Variants in PIGN observed in about 807,000 individuals in gnomAD.
The protein encoded by PIGN is GPI ethanolamine phosphate transferase 1.
Under a neutral mutation model 125.4 loss-of-function variants are expected in PIGN, and 117 were observed. That is an observed-to-expected ratio of 0.93 (90% confidence interval 0.80 to 1.09). The LOEUF (loss-of-function observed/expected upper bound fraction) is 1.09, where lower values mean the gene tolerates loss of function less well. Ranked by LOEUF, PIGN falls within the 50% of genes least tolerant of loss-of-function variation. PIGN has a pLI of 0.00. For missense variants in PIGN, 1,075 were observed against 1,094.9 expected (o/e 0.98, Z 0.26); for synonymous variants, 392 against 377.8 (o/e 1.04, Z -0.44).
intron 29 of PIGN, among the ~76,000 whole-genome samples, chr18:62,073,766 T>C (rs1373641655): frequency 3.3e-5 from 5 of 152,174 alleles, no homozygotes; most frequent in African/African-American, 9.7e-5. Context: ...ACTTCTGGCA[T>C]GGGATGTTAT....
At chr18:62,173,335 A>G (rs1227175082) in intron 1 of PIGN, among the ~76,000 whole-genome samples, 1 of 152,080 alleles carries the variant, frequency 6.6e-6, no homozygotes, top group Non-Finnish European at 1.5e-5. Flanking sequence ...GCCTCAGACA[A>G]TCCTCCCACC....
intron 24 of PIGN, 121 bp from the exon 25 acceptor site, chr18:62,088,963 A>G (rs1568162219): frequency 1.7e-6 from 1 of 584,238 alleles, no homozygotes; most frequent in African/African-American, 1.9e-5. Flanking sequence ...TGACAAAAAA[A>G]TAAACAATAA....
chr18:62,045,825 G>C lies in PIGN; in HGVS notation c.*31C>G. 6.2e-7 allele frequency: 1 copy of C among 1,610,506 alleles called. No homozygotes were observed. The highest frequency in any genetic ancestry group is 8.5e-7 in the Non-Finnish European group (1 of 1,177,500). ...GATTTTAGCTTAAAAGGAGAATCAGGATCCAGATGCTGAATGGTGCTTCAG... is the reference window on the plus strand; with the variant it reads ...GATTTTAGCTTAAAAGGAGAATCAGCATCCAGATGCTGAATGGTGCTTCAG... On this transcript the variant is annotated 3_prime_UTR_variant, in exon 31 of 31. Coordinates refer to ENST00000640252, the MANE Select transcript of PIGN (RefSeq NM_176787.5).
At position 62,145,834 on chromosome 18, in the gene PIGN, T is replaced by C. The variant is rs75981034; in HGVS notation, c.922+75A>G. ...GGATTTACAACTAAAATTTGAAGAG[T>C]GATTTCTTAAAAATTTAAACTTTGT... is the stretch of plus-strand genomic sequence containing the variant. On this transcript the variant is annotated intron_variant, in intron 10 of 30. Transcript: ENST00000640252. The C allele has an allele frequency of 0.029, 21,457 of 734,620 alleles. 397 individuals are homozygous for C. Among genetic ancestry groups the C allele is most frequent in the Middle Eastern group, 0.077 (253 of 3,288 alleles). 45.5% of individuals were successfully genotyped at this position (734,620 alleles called of 1,614,324 possible).
chr18:62,037,110 T>C (rs1462028183), downstream of PIGN, among the ~76,000 whole-genome samples: 2 of 152,204 alleles, frequency 1.3e-5, no homozygotes, highest in African/African-American at 2.4e-5. Flanking sequence ...ATCTATGTAA[T>C]TCCACTCATG....
intron 14 of PIGN, chr18:62,137,806 CTAAT>C (rs1009458444): frequency 6.4e-6 from 1 of 155,058 alleles, no homozygotes; most frequent in African/African-American, 2.4e-5. Context: ...GCCCCTCTTT[CTAAT>C]TAATTAACTG....
In PIGN at chr18:62,111,946, T is replaced by A. The variant is rs144852657; in HGVS notation, c.1434+1188A>T. Among the ~76,000 whole-genome samples, 16 of 152,268 alleles carry A rather than the reference T, an allele frequency of 1.1e-4. No homozygotes were observed. In the East Asian group the frequency reaches 3.1e-3, roughly 29 times the overall value. On this transcript the variant is annotated intron_variant, in intron 16 of 30. Coordinates refer to ENST00000640252, the MANE Select transcript of PIGN (RefSeq NM_176787.5). ...GTTAACATATCAATATAAAAACATA[T>A]TTTTTTCTCAATAAACTGAATATTA...
chr18:62,177,843 T>C (rs1172345305), intron 1 of PIGN, among the ~76,000 whole-genome samples: 1 of 152,152 alleles, frequency 6.6e-6, no homozygotes, highest in Non-Finnish European at 1.5e-5. Flanking sequence ...CAAAAACAAA[T>C]AGTACTCTCC....
chr18:62,088,095 C>G (rs1378773663), intron 25 of PIGN, among the ~76,000 whole-genome samples: 1 of 152,116 alleles, frequency 6.6e-6, no homozygotes, highest in Non-Finnish European at 1.5e-5. Flanking sequence ...TTGTGGTGAT[C>G]ATTTTACAAT....
In PIGN at chr18:62,082,735, G is replaced by A. The variant is rs762791960; in HGVS notation, c.2514C>T (p.Pro838=). The A allele has an allele frequency of 1.3e-6, 2 of 1,538,304 alleles. No individual in the cohort carries two copies. Among genetic ancestry groups the A allele is most frequent in the Non-Finnish European group, 1.8e-6 (2 of 1,131,598 alleles). ...GALMMWKILI[P]FVLVMCAFEA... is the part of the protein sequence containing the mutation. Reference sequence around the variant, plus strand: ...CAAAAGCACACATAACAAGAACAAAGGGGATTAAAATCTGTAAAAGAACAA... The same window carrying A: ...CAAAAGCACACATAACAAGAACAAAAGGGATTAAAATCTGTAAAAGAACAA... The change falls in exon 28 of 31, where the codon CCC becomes CCT. Residue 838 remains proline, a synonymous_variant. Transcript: ENST00000640252.
chr18:62,178,502 G>C (rs1239184519), intron 1 of PIGN, among the ~76,000 whole-genome samples: 1 of 151,588 alleles, frequency 6.6e-6, no homozygotes, highest in Non-Finnish European at 1.5e-5. Flanking sequence ...AAAACTGTAA[G>C]ACAGAGCTGG....
rs373545200 is a variant in PIGN, at chr18:62,088,758, G to C, written c.2368C>G (p.Leu790Val). ...ACCAAAGTCTCCACAAAGGATACAA[G>C]GAAAAAGGCCCTACGGATGTCATCC... ...YLDDIRRAFFLVFFLVTAFFG... is the reference protein window; with the variant it reads ...YLDDIRRAFFVVFFLVTAFFG... Residue 790 changes from leucine (L) to valine (V), a missense_variant and splice_region_variant, in exon 25 of 31, where the codon CTT (leucine) becomes GTT (valine). By Grantham distance (32) the Leu-to-Val change is conservative (BLOSUM62 1). Around this residue, in one of 3 missense-constraint regions of PIGN, gnomAD observed 915 missense variants for 908.7 expected, o/e 1.01. Transcript: ENST00000640252. The C allele has an allele frequency of 8.4e-6, 13 of 1,542,966 alleles. No homozygotes were observed. Among genetic ancestry groups the C allele is most frequent in the Non-Finnish European group, 1.1e-5 (13 of 1,134,524 alleles).
downstream of PIGN, among the ~76,000 whole-genome samples, chr18:62,036,617 A>G (rs2030264238): frequency 6.6e-6 from 1 of 152,244 alleles, no homozygotes; most frequent in South Asian, 2.1e-4. Context: ...ACTAGGGGCT[A>G]CAAAGCTGTC....
rs185595651 is a variant in PIGN, at chr18:62,173,829, T to A, written c.-235-10173A>T. Among the ~76,000 whole-genome samples, 9 of 152,254 alleles carry A rather than the reference T, an allele frequency of 5.9e-5. No homozygotes were observed. In the East Asian group the frequency reaches 1.7e-3, roughly 29 times the overall value. The stretch of plus-strand genomic sequence containing the variant: ...CTGCCAATTCAACCACCTAATTAAT[T>A]CTCTCCCTTCATCCTTTCCAATTGG... On this transcript the variant is annotated intron_variant, in intron 1 of 30. Transcript: ENST00000640252.
rs2030431304 is a variant in PIGN at position 62,042,860 on chromosome 18, G to C, written c.*2996C>G. 6.6e-6 allele frequency: 1 copy of C among 151,568 alleles called. No homozygotes were observed. Among genetic ancestry groups the C allele is most frequent in the Admixed American group, 6.6e-5 (1 of 15,252 alleles). 9.4% of individuals were successfully genotyped at this position (151,568 alleles called of 1,614,324 possible). On this transcript the variant is annotated 3_prime_UTR_variant, in exon 31 of 31. Transcript: ENST00000640252. ...GCCCAGGAGGCAGAGGTTGCAGTGA[G>C]CTGAGATGGTGCCACTGCATTCTAG...
At chr18:62,038,114 T>A (rs1370462659), downstream of PIGN, among the ~76,000 whole-genome samples, 2 of 152,186 alleles carry the variant, frequency 1.3e-5, no homozygotes, top group Non-Finnish European at 2.9e-5. Context: ...TTTTGTAGTA[T>A]TAGGCATGAA....
chr18:62,146,197 T>A (rs796931076), intron 9 of PIGN, among the ~76,000 whole-genome samples, 172 bp from the exon 10 acceptor site: 37 of 152,274 alleles, frequency 2.4e-4, no homozygotes, highest in African/African-American at 8.4e-4. Flanking sequence ...AATATTCCTA[T>A]AAAGCAAGTT....
At chr18:62,040,184 G>A (rs112073714), downstream of PIGN, among the ~76,000 whole-genome samples, 1 of 88,770 alleles carries the variant, frequency 1.1e-5, no homozygotes, top group Non-Finnish European at 2.3e-5. Flanking sequence ...CCAGGGTGCC[G>A]CACCCCATGT....
chr18:62,095,467 T>C (rs2034140702), intron 23 of PIGN, among the ~76,000 whole-genome samples: 1 of 151,704 alleles, frequency 6.6e-6, no homozygotes, highest in Non-Finnish European at 1.5e-5. Context: ...ATTAAAAAAA[T>C]ACTATATTCA....
Sources: allele counts gnomAD v4.1 joint callset (sites outside exome capture counted in the v4.1 genomes callset), GRCh38; gene constraint gnomAD v4.1.1; regional missense constraint gnomAD v4.1.1; transcripts MANE v1.5; gene names NCBI Gene and HGNC (gene_info 2026-07-23, HGNC 2026-07-21).